QTGAL: variants seen among roughly 807,000 people sequenced by gnomAD.
QTGAL encodes BGnT-like protein 1.
chr17:83,037,858 A>C, the QTGAL span, among the ~76,000 whole-genome samples: 1 of 152,204 alleles, frequency 6.6e-6, no homozygotes, highest in African/African-American at 2.4e-5. This position sits in a 1 kb window ranked among gnomAD's most constrained non-coding sequence, Gnocchi z 5.2. Flanking sequence ...AATTTGCTTT[A>C]ATATTATTGC....
the QTGAL span, among the ~76,000 whole-genome samples, chr17:83,010,924 C>T: frequency 6.6e-6 from 1 of 152,234 alleles, no homozygotes; most frequent in African/African-American, 2.4e-5. Flanking sequence ...TGCTCCATCC[C>T]AGTGCACGAG....
chr17:83,008,770 G>A, the QTGAL span, among the ~76,000 whole-genome samples: 28 of 152,186 alleles, frequency 1.8e-4, no homozygotes, highest in Non-Finnish European at 3.5e-4. Context: ...CCCTGCCATT[G>A]AGCGAGTGCG....
At chr17:82,961,829 G>C in the QTGAL span, among the ~76,000 whole-genome samples, 5 of 152,344 alleles carry the variant, frequency 3.3e-5, no homozygotes, top group East Asian at 5.8e-4. Context: ...TTTCTGTCCT[G>C]TGAGAACCTG....
chr17:83,009,050 T>C, the QTGAL span, among the ~76,000 whole-genome samples: 1 of 151,414 alleles, frequency 6.6e-6, no homozygotes, highest in African/African-American at 2.4e-5. Flanking sequence ...AAACTCACAC[T>C]CCCAAGTGAA....
chr17:83,006,855 A>T, the QTGAL span: 75 of 967,512 alleles, frequency 7.8e-5, no homozygotes, highest in Non-Finnish European at 9.1e-5. This position sits in a 1 kb window ranked among gnomAD's most constrained non-coding sequence, Gnocchi z 5.8. Context: ...TGCCCAGGAG[A>T]GCAACTGCCG....
At chr17:83,005,200 C>A in the QTGAL span, 1 of 1,607,422 alleles carries the variant, frequency 6.2e-7, no homozygotes, top group Non-Finnish European at 8.5e-7. This position sits in a 1 kb window ranked among gnomAD's most constrained non-coding sequence, Gnocchi z 5.6. Context: ...CCTCACTCTG[C>A]AACCAATGAT....
chr17:83,049,865 C>A, the QTGAL span, among the ~76,000 whole-genome samples: 1 of 152,068 alleles, frequency 6.6e-6, no homozygotes, highest in African/African-American at 2.4e-5. Flanking sequence ...AAATTCAATG[C>A]CAACAAAACA....
At chr17:83,035,864 G>A in the QTGAL span, among the ~76,000 whole-genome samples, 5 of 142,736 alleles carry the variant, frequency 3.5e-5, no homozygotes, top group African/African-American at 1.4e-4. Context: ...CTCGGAGGGC[G>A]GTTTGCACGT....
chr17:83,002,842 C>T, the QTGAL span, among the ~76,000 whole-genome samples: 1 of 95,260 alleles, frequency 1.0e-5, no homozygotes, highest in Non-Finnish European at 2.4e-5. Flanking sequence ...CTGAGCCCGC[C>T]CTCCCACTCT....
At chr17:83,013,748 C>A in the QTGAL span, among the ~76,000 whole-genome samples, 4 of 152,174 alleles carry the variant, frequency 2.6e-5, no homozygotes, top group Non-Finnish European at 4.4e-5. Flanking sequence ...GAGCGCCAAA[C>A]TGCCCGGGGG....
the QTGAL span, among the ~76,000 whole-genome samples, chr17:82,970,621 C>CA: frequency 4.0e-4 from 35 of 87,108 alleles, 3 homozygotes; most frequent in African/African-American, 1.5e-3. Context: ...CCTCCCCACC[C>CA]GGCGTGGCCG....
chr17:83,014,490 C>A, the QTGAL span: 3 of 1,614,164 alleles, frequency 1.9e-6, no homozygotes, highest in East Asian at 4.5e-5. Flanking sequence ...CGTGTTGCAG[C>A]CTCACCCGCT....
chr17:83,007,758 A>C, the QTGAL span, among the ~76,000 whole-genome samples: 14 of 152,196 alleles, frequency 9.2e-5, no homozygotes, highest in Admixed American at 9.2e-4. Context: ...TCTCTCACCA[A>C]GAGTGAGGAC....
At chr17:82,974,125 A>G in the QTGAL span, among the ~76,000 whole-genome samples, 3 of 152,156 alleles carry the variant, frequency 2.0e-5, no homozygotes, top group Non-Finnish European at 2.9e-5. Context: ...CCCTGCCTCC[A>G]GTCTGAGCCG....
chr17:83,030,023 A>T, the QTGAL span, among the ~76,000 whole-genome samples: 1 of 152,210 alleles, frequency 6.6e-6, no homozygotes, highest in East Asian at 1.9e-4. Flanking sequence ...CCACGAAAAC[A>T]GGTACAGTTA....
chr17:83,019,390 T>A, the QTGAL span, among the ~76,000 whole-genome samples: 1 of 152,222 alleles, frequency 6.6e-6, no homozygotes, highest in African/African-American at 2.4e-5. Flanking sequence ...AAAATATTTT[T>A]AAAATCTATG....
the QTGAL span, among the ~76,000 whole-genome samples, chr17:82,968,332 C>A: frequency 6.7e-6 from 1 of 149,010 alleles, no homozygotes; most frequent in Non-Finnish European, 1.5e-5. Context: ...GGAGCCCTCA[C>A]CAGCAACCAA....
At chr17:82,991,124 T>C in the QTGAL span, among the ~76,000 whole-genome samples, 1 of 151,948 alleles carries the variant, frequency 6.6e-6, no homozygotes, top group Non-Finnish European at 1.5e-5. Flanking sequence ...CCCAAAACTA[T>C]ACACTTTTTA....
chr17:82,974,521 C>T, the QTGAL span, among the ~76,000 whole-genome samples: 4 of 152,212 alleles, frequency 2.6e-5, no homozygotes, highest in African/African-American at 4.8e-5. Flanking sequence ...TGCGTCCCCT[C>T]GTGAGGGACA....
Sources: allele counts gnomAD v4.1 joint callset (sites outside exome capture counted in the v4.1 genomes callset), GRCh38; gene constraint gnomAD v4.1.1; non-coding constraint Gnocchi (gnomAD v3.1); transcripts MANE v1.5; gene names NCBI Gene and HGNC (gene_info 2026-07-23, HGNC 2026-07-21).